The following TOM1L2 variants were observed in gnomAD, a reference collection of about 807,000 sequenced individuals.
TOM1L2 encodes target of myb1 like 2 membrane trafficking protein, also known as TOM1-like protein 2.
Under a neutral mutation model 67.9 loss-of-function variants are expected in TOM1L2, and 31 were observed. The ratio of observed to expected loss-of-function variants is 0.46; its 90% CI spans 0.34 to 0.62. The LOEUF is 0.62. TOM1L2 is among the 20% of genes least tolerant of loss of function. The pLI, the probability that TOM1L2 is intolerant of heterozygous loss-of-function variation, is 0.01. For missense variants in TOM1L2, 606 were observed against 663.5 expected (o/e 0.91, Z 0.95); for synonymous variants, 256 against 254.0 (o/e 1.01, Z -0.07).
chr17:17,879,034 C>T (rs554558986), intron 7 of TOM1L2, among the ~76,000 whole-genome samples: 48 of 152,258 alleles, frequency 3.2e-4, no homozygotes, highest in African/African-American at 1.0e-3. Flanking sequence ...TGTCCAGAGG[C>T]GGGGAGGCCA....
chr17:17,896,450 G>C (rs1047692161), intron 3 of TOM1L2, among the ~76,000 whole-genome samples: 2 of 152,194 alleles, frequency 1.3e-5, no homozygotes, highest in Non-Finnish European at 2.9e-5. Flanking sequence ...GGGAATACAT[G>C]CTTAGTTTCT....
intron 1 of TOM1L2, among the ~76,000 whole-genome samples, chr17:17,922,406 G>A (rs374353689): frequency 3.3e-5 from 5 of 152,304 alleles, no homozygotes; most frequent in African/African-American, 1.2e-4. Flanking sequence ...CTTTTCAACA[G>A]GAGTGACAAG....
intron 3 of TOM1L2, among the ~76,000 whole-genome samples, chr17:17,896,838 A>T (rs1263914662): frequency 6.6e-6 from 1 of 152,194 alleles, no homozygotes; most frequent in Non-Finnish European, 1.5e-5. Context: ...GTGGGTACAG[A>T]TATGAAGTCC....
intron 3 of TOM1L2, among the ~76,000 whole-genome samples, chr17:17,897,922 CTTTTTTTTTTT>C (rs35600233): frequency 7.5e-6 from 1 of 133,652 alleles, no homozygotes. Context: ...TGGAAGTTAA[CTTTTTTTTTTT>C]TTTTTTTTTT....
chr17:17,898,750 T>C lies in TOM1L2; in HGVS notation c.138-76A>G, dbSNP rs1360482361. 4 of 1,438,702 alleles carry C rather than the reference T, an allele frequency of 2.8e-6. No individual in the cohort carries two copies. In the East Asian group the frequency reaches 9.1e-5, roughly 33 times the overall value. The allele number at this position is 1,438,702 out of a possible 1,614,324, so 89.1% of individuals were successfully genotyped here. Reference sequence around the variant, plus strand: ...ACGATCCTACAGATATGTGAACTAGTATATATGCAAGACTATTTGCTGGCT... The same window carrying C: ...ACGATCCTACAGATATGTGAACTAGCATATATGCAAGACTATTTGCTGGCT... On this transcript the variant is annotated intron_variant, in intron 2 of 14. Transcript: ENST00000379504.
At chr17:17,956,803 C>A (rs541951129) in intron 1 of TOM1L2, among the ~76,000 whole-genome samples, 1 of 152,352 alleles carries the variant, frequency 6.6e-6, no homozygotes, top group South Asian at 2.1e-4. Context: ...CCAGAACTCG[C>A]GCTGGCCCGC....
At chr17:17,918,781 C>T (rs1477178930) in intron 1 of TOM1L2, among the ~76,000 whole-genome samples, 1 of 152,196 alleles carries the variant, frequency 6.6e-6, no homozygotes, top group Non-Finnish European at 1.5e-5. Context: ...GTTCTGAGAA[C>T]TTTTTCAAAT....
chr17:17,848,914 C>G, intron 13 of TOM1L2, 55 bp from the exon 14 acceptor site: 4 of 1,598,328 alleles, frequency 2.5e-6, no homozygotes, highest in Non-Finnish European at 3.4e-6. Flanking sequence ...CACTGCCCGC[C>G]CAGCCACCTC....
At chr17:17,897,081 G>A (rs529049720) in intron 3 of TOM1L2, among the ~76,000 whole-genome samples, 2 of 152,304 alleles carry the variant, frequency 1.3e-5, no homozygotes, top group East Asian at 1.9e-4. Flanking sequence ...GCAAGTAAAC[G>A]CAGAGTTCAC....
intron 1 of TOM1L2, among the ~76,000 whole-genome samples, chr17:17,921,834 C>T (rs2039887844): frequency 6.6e-6 from 1 of 152,154 alleles, no homozygotes; most frequent in Admixed American, 6.5e-5. Flanking sequence ...TTCTTCTTCC[C>T]CAGAGCGCCT....
At chr17:17,962,697 C>T (rs923281062) in intron 1 of TOM1L2, among the ~76,000 whole-genome samples, 5 of 152,160 alleles carry the variant, frequency 3.3e-5, no homozygotes, top group Admixed American at 1.3e-4. Flanking sequence ...TGGTGGCTCA[C>T]GCCTGTAATC....
chr17:17,882,790 T>G lies in TOM1L2; in HGVS notation c.575A>C (p.Tyr192Ser). 6.2e-7 allele frequency: 1 copy of G among 1,614,120 alleles called. No individual in the cohort carries two copies. Among genetic ancestry groups the G allele is most frequent in the Non-Finnish European group, 8.5e-7 (1 of 1,179,994 alleles). ...GTAGGGAGCAGGAGGCGGCGAGGAA[T>G]AGGAACCAGCACTTGTCCTCTGCTG... Reference protein sequence around the residue: ...QSQQRTSAGSYSSPPPAPYSA... With the variant: ...QSQQRTSAGSSSSPPPAPYSA... Residue 192 changes from tyrosine to serine, a missense_variant, in exon 6 of 15, where the codon TAT becomes TCT. Around this residue, in one of 2 missense-constraint regions of TOM1L2, gnomAD observed 543 missense variants for 554.0 expected, o/e 0.98. Coordinates refer to ENST00000379504, the MANE Select transcript of TOM1L2 (RefSeq NM_001082968.2).
intron 14 of TOM1L2, 52 bp downstream of exon 14, chr17:17,848,771 G>C (rs2035794040): frequency 6.2e-7 from 1 of 1,603,450 alleles, no homozygotes; most frequent in Non-Finnish European, 8.5e-7. Flanking sequence ...CTCCTGTGCA[G>C]CCTGCACAGA....
At position 17,867,028 on chromosome 17, in the gene TOM1L2, C is replaced by A. The variant is rs555405039; in HGVS notation, c.912-104G>T. ...GAAGAATCCCTGGGACCAAGACCAG[C>A]CAGTCCCACCTGGGGGCTAGGGAGT... On this transcript the variant is annotated intron_variant, in intron 8 of 14. Coordinates refer to ENST00000379504, the MANE Select transcript of TOM1L2 (RefSeq NM_001082968.2). The A allele has an allele frequency of 2.8e-6, 3 of 1,056,886 alleles. No individual in the cohort carries two copies. In the Middle Eastern group the frequency reaches 7.5e-4, roughly 263 times the overall value. The allele number at this position is 1,056,886 out of a possible 1,614,324, so 65.5% of individuals were successfully genotyped here. A position where few individuals can be genotyped will look rare whatever the true frequency, so the allele number is the denominator to read the frequency against.
At chr17:17,921,972 C>T (rs943101504) in intron 1 of TOM1L2, among the ~76,000 whole-genome samples, 4 of 152,082 alleles carry the variant, frequency 2.6e-5, no homozygotes, top group South Asian at 2.1e-4. Flanking sequence ...GAGCTTCTCC[C>T]GATGACAGAG....
chr17:17,862,565 T>G (rs1327717568), intron 11 of TOM1L2, 166 bp downstream of exon 11: 1 of 646,160 alleles, frequency 1.5e-6, no homozygotes, highest in Non-Finnish European at 2.7e-6. Context: ...GGGCAGTTGG[T>G]ATTTATTCAG....
At chr17:17,850,804 G>A (rs1367227185) in intron 13 of TOM1L2, 89 bp downstream of exon 13, 1 of 1,400,332 alleles carries the variant, frequency 7.1e-7, no homozygotes, top group Non-Finnish European at 1.0e-6. Context: ...CAGGGGTGGA[G>A]CCCCTGCTGA....
rs185377366 is a variant in TOM1L2, at chr17:17,864,314, C to T, written c.1085-1466G>A. 8.6e-3 allele frequency among the ~76,000 whole-genome samples: 1,263 copies of T among 146,168 alleles called. 23 individuals are homozygous for T. The highest frequency in any genetic ancestry group is 0.03 in the African/African-American group (1,168 of 39,546). ...CAAGCTCCGCCTCCCGGGTTCACGC[C>T]ATTCTCCTGCCTCAGTCTCCCAAGT... On this transcript the variant is annotated intron_variant, in intron 10 of 14. Coordinates refer to ENST00000379504, the MANE Select transcript of TOM1L2 (RefSeq NM_001082968.2).
At chr17:17,854,666 A>T (rs1210441777) in intron 12 of TOM1L2, among the ~76,000 whole-genome samples, 4 of 151,180 alleles carry the variant, frequency 2.6e-5, no homozygotes, top group Non-Finnish European at 5.9e-5. Flanking sequence ...CTGGGATTAC[A>T]GGCGTGAGCC....
Sources: allele counts gnomAD v4.1 joint callset (sites outside exome capture counted in the v4.1 genomes callset), GRCh38; gene constraint gnomAD v4.1.1; regional missense constraint gnomAD v4.1.1; transcripts MANE v1.5; gene names NCBI Gene and HGNC (gene_info 2026-07-23, HGNC 2026-07-21).